The following KDM2A variants were observed in gnomAD, a reference collection of about 807,000 sequenced individuals.
The protein encoded by KDM2A is lysine demethylase 2A, also known as lysine-specific demethylase 2A.
A neutral mutation model predicts 137.3 loss-of-function variants in KDM2A; 3 were observed. The observed-to-expected ratio is 0.02, with a 90% confidence interval of 0.01 to 0.06. The LOEUF (loss-of-function observed/expected upper bound fraction) is 0.06. Among genes scored for constraint, KDM2A ranks in the 10% least tolerant of loss-of-function variants. The pLI is 1.00. For missense variants in KDM2A, 738 were observed against 1,510.6 expected (o/e 0.49, Z 8.48); for synonymous variants, 512 against 541.5 (o/e 0.95, Z 0.76).
chr11:67,195,024 C>A (rs1857443497), intron 5 of KDM2A, among the ~76,000 whole-genome samples: 1 of 152,138 alleles, frequency 6.6e-6, no homozygotes, highest in African/African-American at 2.4e-5. Context: ...TACAAACTTA[C>A]CTTCAAACAG....
At chr11:67,173,873 T>G (rs537656099) in intron 2 of KDM2A, among the ~76,000 whole-genome samples, 44 of 151,924 alleles carry the variant, frequency 2.9e-4, no homozygotes, top group South Asian at 1.2e-3. Flanking sequence ...GCTCAACTAA[T>G]TTAAACAATT....
In KDM2A at chr11:67,203,439, A is replaced by G. The variant is rs200007669; in HGVS notation, c.308-4071A>G. ...TAATAAATAGTCTATAATAAATAAT[A>G]TATTAATATAATTATATTTATTAAT... On this transcript the variant is annotated intron_variant, in intron 5 of 20. Transcript: ENST00000529006. 1.5e-4 allele frequency among the ~76,000 whole-genome samples: 17 copies of G among 116,636 alleles called. 2 individuals are homozygous for G. In the South Asian group the frequency reaches 5.0e-3, roughly 34 times the overall value. 76.5% of individuals were successfully genotyped at this position (116,636 alleles called of 152,430 possible). A position where few individuals can be genotyped will look rare whatever the true frequency, so the allele number is the denominator to read the frequency against.
At chr11:67,151,117 T>C (rs1163048620) in intron 2 of KDM2A, among the ~76,000 whole-genome samples, 1 of 152,194 alleles carries the variant, frequency 6.6e-6, no homozygotes, top group Non-Finnish European at 1.5e-5. Flanking sequence ...TGACCAATTA[T>C]GCTGAAAATA....
intron 2 of KDM2A, among the ~76,000 whole-genome samples, chr11:67,161,452 C>T (rs887310658): frequency 1.1e-4 from 17 of 152,118 alleles, no homozygotes; most frequent in African/African-American, 4.1e-4. Context: ...TGTTGTAGTA[C>T]AGTGTTTTGC....
intron 2 of KDM2A, among the ~76,000 whole-genome samples, chr11:67,148,347 G>A (rs773750703): frequency 5.3e-5 from 8 of 152,038 alleles, no homozygotes; most frequent in Admixed American, 1.3e-4. Flanking sequence ...CTTGACCCCC[G>A]GAGGTTGAGG....
At chr11:67,251,916 G>A (rs1431914945) in intron 17 of KDM2A, among the ~76,000 whole-genome samples, 1 of 152,172 alleles carries the variant, frequency 6.6e-6, no homozygotes, top group Admixed American at 6.5e-5. Context: ...TCTACCTCTT[G>A]GTTTTCAGGG....
intron 12 of KDM2A, among the ~76,000 whole-genome samples, chr11:67,232,224 A>G (rs1039885598): frequency 1.3e-5 from 2 of 152,234 alleles, no homozygotes; most frequent in Non-Finnish European, 2.9e-5. Context: ...TGACCCCAAA[A>G]ATAAAGTGAC....
At chr11:67,152,261 C>T (rs1590727202) in intron 2 of KDM2A, among the ~76,000 whole-genome samples, 1 of 144,834 alleles carries the variant, frequency 6.9e-6, no homozygotes, top group South Asian at 2.2e-4. Context: ...TGCAGTGAGC[C>T]GAGATTGCAC....
intron 2 of KDM2A, among the ~76,000 whole-genome samples, chr11:67,170,622 C>T (rs1186673395): frequency 6.6e-6 from 1 of 151,848 alleles, no homozygotes; most frequent in Non-Finnish European, 1.5e-5. Context: ...ACCATGTTAG[C>T]CAGGATGGTC....
intron 2 of KDM2A, among the ~76,000 whole-genome samples, chr11:67,170,947 A>G (rs1232221116): frequency 5.3e-5 from 8 of 152,172 alleles, no homozygotes; most frequent in Non-Finnish European, 1.0e-4. Flanking sequence ...GATCCTAGCC[A>G]CATCAATTAC....
At chr11:67,249,963 C>A in intron 16 of KDM2A, 123 bp from the exon 17 acceptor site, 1 of 628,850 alleles carries the variant, frequency 1.6e-6, no homozygotes, top group Non-Finnish European at 2.3e-6. Flanking sequence ...AGGGAATGAC[C>A]CCCTCTCCAA....
chr11:67,166,207 G>T (rs567084293), intron 2 of KDM2A, among the ~76,000 whole-genome samples: 2 of 139,040 alleles, frequency 1.4e-5, no homozygotes, highest in East Asian at 4.2e-4. Context: ...TTTTTTTTGA[G>T]ACAGTCTCAC....
intron 12 of KDM2A, chr11:67,239,954 C>A: frequency 1.2e-6 from 1 of 850,030 alleles, no homozygotes; most frequent in Non-Finnish European, 1.5e-6. Flanking sequence ...AAAGCAGTTG[C>A]TGAACACACC....
intron 2 of KDM2A, among the ~76,000 whole-genome samples, chr11:67,149,488 CAT>C (rs1454713360): frequency 3.3e-5 from 5 of 151,986 alleles, no homozygotes; most frequent in Non-Finnish European, 5.9e-5. Context: ...ATATAGATAA[CAT>C]ATATCTGTAT....
Position 67,119,503 on chromosome 11 carries a change from GC to G in KDM2A, c.-629del, listed in dbSNP as rs1193773845. On this transcript the variant is annotated 5_prime_UTR_variant, in exon 1 of 21. Transcript: ENST00000529006. The stretch of plus-strand genomic sequence containing the variant: ...TCTGCGACTGGGGAGTAGCCGGGGG[GC>G]TCGTCCCGCAGCGCGGAGCCAGACC... 1.3e-5 allele frequency: 2 copies of G among 152,644 alleles called. No individual in the cohort carries two copies. Among genetic ancestry groups the G allele is most frequent in the Non-Finnish European group, 2.9e-5 (2 of 68,042 alleles). The allele number at this position is 152,644 out of a possible 1,614,324, so 9.5% of individuals were successfully genotyped here.
chr11:67,245,286 C>T lies in KDM2A; in HGVS notation c.1661C>T (p.Pro554Leu). The change falls in exon 14 of 21, where the codon CCA becomes CTA. Residue 554 changes from proline to leucine, a missense_variant. This residue lies in a region of KDM2A where 71 missense variants were observed against 147.9 expected (regional missense o/e 0.48). Transcript: ENST00000529006. The surrounding 1 kb of genome is among the most constrained non-coding windows in gnomAD (Gnocchi z 4.1). ...KPAPRLTPVR[P>L]AAASPIVSGA... ...GCTCCACGGTTAACACCTGTGAGGC[C>T]AGCTGCTGCCTCCCCGATTGTGTCA... is the stretch of plus-strand genomic sequence containing the variant. 6.2e-7 allele frequency: 1 copy of T among 1,614,036 alleles called. No individual in the cohort carries two copies. The highest frequency in any genetic ancestry group is 8.5e-7 in the Non-Finnish European group (1 of 1,179,896).
At chr11:67,123,275 C>CTTTTT (rs575165830) in intron 2 of KDM2A, among the ~76,000 whole-genome samples, 5 of 71,476 alleles carry the variant, frequency 7.0e-5, no homozygotes, top group East Asian at 4.5e-4. Context: ...CAGTACCTGG[C>CTTTTT]TTTTTTTTTT....
chr11:67,187,642 T>C (rs917867233), intron 5 of KDM2A, among the ~76,000 whole-genome samples: 10 of 152,084 alleles, frequency 6.6e-5, no homozygotes, highest in African/African-American at 1.7e-4. Context: ...TGGTGCAGTC[T>C]CGACTCACTG....
chr11:67,148,797 G>A (rs899079852), intron 2 of KDM2A, among the ~76,000 whole-genome samples: 2 of 151,946 alleles, frequency 1.3e-5, no homozygotes, highest in Non-Finnish European at 2.9e-5. Flanking sequence ...GCAAAATTCC[G>A]TCTCAAAAAC....
Sources: gnomAD v4.1 joint callset for allele counts (sites outside exome capture counted in the v4.1 genomes callset) on GRCh38, gnomAD v4.1.1 for gene constraint, gnomAD v4.1.1 regional missense constraint, Gnocchi (gnomAD v3.1) non-coding constraint, MANE v1.5 for transcripts, NCBI Gene and HGNC (gene_info 2026-07-23, HGNC 2026-07-21) for gene names.